PDE10A: variants seen among roughly 807,000 people sequenced by gnomAD.
The protein encoded by PDE10A is cAMP and cAMP-inhibited cGMP 3',5'-cyclic phosphodiesterase 10A.
A neutral mutation model predicts 97.7 loss-of-function variants in PDE10A; 39 were observed. The observed-to-expected ratio is 0.40, with a 90% CI of 0.31 to 0.52. PDE10A has a LOEUF of 0.52. Ranked by LOEUF, PDE10A falls within the 20% of genes least tolerant of loss-of-function variation. PDE10A has a pLI of 0.56. For missense variants in PDE10A, 731 were observed against 1,047.8 expected (o/e 0.70, Z 4.17); for synonymous variants, 371 against 376.8 (o/e 0.98, Z 0.18).
At chr6:165,735,814 G>T (rs1050816696) in intron 1 of PDE10A, among the ~76,000 whole-genome samples, 1 of 152,156 alleles carries the variant, frequency 6.6e-6, no homozygotes, top group Non-Finnish European at 1.5e-5. Context: ...CCAAATATCT[G>T]GGCATCTGCC....
At chr6:165,866,310 TCTAA>T (rs549024642) in intron 1 of PDE10A, among the ~76,000 whole-genome samples, 346 of 151,934 alleles carry the variant, frequency 2.3e-3, no homozygotes, top group Non-Finnish European at 3.9e-3. Context: ...CTGTTGAAGC[TCTAA>T]CTCAGTGTTT....
At chr6:165,634,963 T>C (rs922502740) in intron 1 of PDE10A, among the ~76,000 whole-genome samples, 5 of 152,200 alleles carry the variant, frequency 3.3e-5, no homozygotes, top group South Asian at 4.1e-4. Context: ...AGCATTTATA[T>C]AGCGACCATC....
intron 1 of PDE10A, among the ~76,000 whole-genome samples, chr6:165,676,771 G>A (rs1039323182): frequency 6.6e-6 from 1 of 152,102 alleles, no homozygotes; most frequent in Admixed American, 6.5e-5. Context: ...CACATTTCAC[G>A]GCTATTTTCC....
chr6:165,719,901 G>T (rs952725977), intron 1 of PDE10A, among the ~76,000 whole-genome samples: 1 of 152,214 alleles, frequency 6.6e-6, no homozygotes, highest in African/African-American at 2.4e-5. Context: ...AGGCTTGAGA[G>T]ATAATTACAG....
At chr6:165,507,595 A>G (rs1189689817) in intron 2 of PDE10A, among the ~76,000 whole-genome samples, 1 of 152,094 alleles carries the variant, frequency 6.6e-6, no homozygotes, top group Non-Finnish European at 1.5e-5. Context: ...AGATTTGTCC[A>G]GATCCCTATT....
At chr6:165,371,232 A>T (rs1562392231) in intron 18 of PDE10A, among the ~76,000 whole-genome samples, 1 of 151,992 alleles carries the variant, frequency 6.6e-6, no homozygotes, top group Non-Finnish European at 1.5e-5. Context: ...CTAAAATCAG[A>T]GCAGAACTGA....
Position 165,589,384 on chromosome 6 carries a change from T to G in PDE10A, c.866-45816A>C, listed in dbSNP as rs1216195840. On this transcript the variant is annotated intron_variant, in intron 1 of 21. Coordinates refer to ENST00000539869, the MANE Select transcript of PDE10A (RefSeq NM_001385079.1). ...CAATTTTAGTTGTTCTCTTAAAGATTTATTACTTTATATTTAAAATGCATT... is the reference window on the plus strand; with the variant it reads ...CAATTTTAGTTGTTCTCTTAAAGATGTATTACTTTATATTTAAAATGCATT... Among the ~76,000 whole-genome samples the G allele has an allele frequency of 2.6e-5, 4 of 152,336 alleles. No individual in the cohort carries two copies. The East Asian group carries it at 5.8e-4, about 22-fold the overall frequency.
chr6:165,726,959 G>A lies in PDE10A; in HGVS notation c.-614-183391C>T, dbSNP rs566282910. On this transcript the variant is annotated intron_variant, in intron 1 of 19. Transcript: ENST00000366882. Reference sequence around the variant, plus strand: ...GAAAACAGCATAAAGGAAGATGGATGGGCCGAGCCAGGCCACCACAGAAAC... The same window carrying A: ...GAAAACAGCATAAAGGAAGATGGATAGGCCGAGCCAGGCCACCACAGAAAC... Among the ~76,000 whole-genome samples the A allele has an allele frequency of 2.6e-5, 4 of 152,328 alleles. No individual in the cohort carries two copies. The East Asian group carries it at 5.8e-4, about 22-fold the overall frequency.
rs540914977 is a variant in PDE10A, at chr6:165,755,433, A to C, written c.-614-211865T>G. ...CTTTGAAATGATCCTGCAGAGGGGCACCTGTTGGGCGAATTTCTCCCTGTC... is the reference window on the plus strand; with the variant it reads ...CTTTGAAATGATCCTGCAGAGGGGCCCCTGTTGGGCGAATTTCTCCCTGTC... On this transcript the variant is annotated intron_variant, in intron 1 of 19. Coordinates refer to the PDE10A transcript ENST00000366882. Among the ~76,000 whole-genome samples the C allele has an allele frequency of 1.6e-4, 24 of 152,310 alleles. No individual in the cohort carries two copies. The South Asian group carries it at 5.0e-3, about 32-fold the overall frequency.
At chr6:165,580,752 T>G (rs766994555) in intron 1 of PDE10A, among the ~76,000 whole-genome samples, 1 of 150,176 alleles carries the variant, frequency 6.7e-6, no homozygotes, top group Non-Finnish European at 1.5e-5. Context: ...ACAAAGAAGA[T>G]AGTAAGTCTC....
intron 13 of PDE10A, among the ~76,000 whole-genome samples, chr6:165,411,367 C>T (rs1033071257): frequency 5.3e-5 from 8 of 152,018 alleles, no homozygotes; most frequent in African/African-American, 1.7e-4. Context: ...AGATTTAAAG[C>T]GTGGGTCCTA....
intron 2 of PDE10A, among the ~76,000 whole-genome samples, chr6:165,537,511 C>T (rs1206881737): frequency 6.6e-6 from 1 of 151,796 alleles, no homozygotes; most frequent in African/African-American, 2.4e-5. Flanking sequence ...TCAAATATCA[C>T]CTGAACCTCA....
At chr6:165,399,474 C>T (rs1041952363) in intron 13 of PDE10A, among the ~76,000 whole-genome samples, 12 of 152,148 alleles carry the variant, frequency 7.9e-5, no homozygotes, top group Admixed American at 2.0e-4. Flanking sequence ...GGTACATGTG[C>T]ACAACGTGCA....
chr6:165,550,565 T>A (rs1783962463), intron 1 of PDE10A, among the ~76,000 whole-genome samples: 1 of 152,238 alleles, frequency 6.6e-6, no homozygotes, highest in East Asian at 1.9e-4. Flanking sequence ...TACAAATGTT[T>A]AGTTTGAAGA....
At chr6:165,556,336 G>A (rs149371921) in intron 1 of PDE10A, among the ~76,000 whole-genome samples, 321 of 152,230 alleles carry the variant, frequency 2.1e-3, no homozygotes, top group South Asian at 5.0e-3. Flanking sequence ...ATCAAAACGG[G>A]TAAAAACAGG....
At chr6:165,405,481 C>A (rs2128222806) in intron 13 of PDE10A, among the ~76,000 whole-genome samples, 1 of 152,264 alleles carries the variant, frequency 6.6e-6, no homozygotes, top group East Asian at 1.9e-4. Context: ...ACAAAGGATG[C>A]AACACTGACT....
At chr6:165,365,712 C>G (rs902492518) in intron 18 of PDE10A, among the ~76,000 whole-genome samples, 5 of 151,852 alleles carry the variant, frequency 3.3e-5, no homozygotes, top group Non-Finnish European at 5.9e-5. Flanking sequence ...AGAGAAAACC[C>G]GGTCTCAAAA....
At chr6:165,510,756 G>A (rs563663146) in intron 2 of PDE10A, among the ~76,000 whole-genome samples, 12 of 152,172 alleles carry the variant, frequency 7.9e-5, no homozygotes, top group African/African-American at 2.9e-4. Context: ...AATCTTGGTA[G>A]AATGCATGCA....
At chr6:165,909,454 C>T (rs1782394300) in intron 1 of PDE10A, among the ~76,000 whole-genome samples, 1 of 152,190 alleles carries the variant, frequency 6.6e-6, no homozygotes, top group Non-Finnish European at 1.5e-5. Context: ...ATAGGAGATA[C>T]AATAGAAAAT....
Sources: allele counts gnomAD v4.1 joint callset (sites outside exome capture counted in the v4.1 genomes callset), GRCh38; gene constraint gnomAD v4.1.1; transcripts MANE v1.5; gene names NCBI Gene and HGNC (gene_info 2026-07-23, HGNC 2026-07-21).